DGLUCY: variants seen among roughly 807,000 people sequenced by gnomAD.
The protein encoded by DGLUCY is D-glutamate cyclase, mitochondrial.
A neutral mutation model predicts 58.5 loss-of-function variants in DGLUCY; 58 were observed. The observed-to-expected ratio is 0.99, with a 90% confidence interval of 0.80 to 1.23. The LOEUF (loss-of-function observed/expected upper bound fraction) is 1.23, where lower values mean the gene tolerates loss of function less well. Ranked by LOEUF, DGLUCY falls within the 50% of genes most tolerant of loss-of-function variation. The pLI is 0.00. For missense variants in DGLUCY, 779 were observed against 784.7 expected (o/e 0.99, Z 0.09); for synonymous variants, 325 against 314.1 (o/e 1.03, Z -0.37).
At position 91,182,960 on chromosome 14, in the gene DGLUCY, T is replaced by A. The variant is rs537632493; in HGVS notation, c.934+1571T>A. ...TTTATTTTATATTTTTATTTATTTT[T>A]ATTTTTTTATTTTAGTTTAGTTTAT... On this transcript the variant is annotated intron_variant, in intron 8 of 13. Coordinates refer to ENST00000256324, the MANE Select transcript of DGLUCY (RefSeq NM_001102368.3). Among the ~76,000 whole-genome samples, 45 of 150,004 alleles carry A rather than the reference T, an allele frequency of 3.0e-4. No individual in the cohort carries two copies. The South Asian group carries it at 9.3e-3, about 31-fold the overall frequency.
intron 1 of DGLUCY, among the ~76,000 whole-genome samples, chr14:91,090,533 G>A (rs922736944): frequency 6.6e-6 from 1 of 152,118 alleles, no homozygotes; most frequent in Non-Finnish European, 1.5e-5. Flanking sequence ...GCAGCGTTTG[G>A]TCATGAAGGT....
intron 8 of DGLUCY, among the ~76,000 whole-genome samples, chr14:91,181,935 A>G (rs1025895838): frequency 1.3e-5 from 2 of 150,970 alleles, no homozygotes; most frequent in African/African-American, 4.9e-5. Flanking sequence ...GTGAGCCACC[A>G]TGCCCAGCCT....
At chr14:91,065,644 ATGCACAACTCT>A (rs1224184494) in intron 1 of DGLUCY, among the ~76,000 whole-genome samples, 2 of 152,182 alleles carry the variant, frequency 1.3e-5, no homozygotes, top group African/African-American at 4.8e-5. Context: ...CAAGTTTGTA[ATGCACAACTCT>A]TGCACAACTA....
At chr14:91,206,871 C>T (rs1477067926) in intron 12 of DGLUCY, among the ~76,000 whole-genome samples, 2 of 151,966 alleles carry the variant, frequency 1.3e-5, no homozygotes, top group Non-Finnish European at 2.9e-5. Flanking sequence ...AAAGTCTTCA[C>T]TGCAAAAAAT....
At position 91,134,389 on chromosome 14, in the gene DGLUCY, A is replaced by G. The variant is rs548621597; in HGVS notation, c.-82+20106A>G. Among the ~76,000 whole-genome samples the G allele has an allele frequency of 2.6e-5, 4 of 152,184 alleles. No individual in the cohort carries two copies. The South Asian group carries it at 8.3e-4, about 32-fold the overall frequency. The stretch of plus-strand genomic sequence containing the variant: ...TATTTTGTTAGATTTATTCCTGGGT[A>G]ATTGATATTTATTCATGCTATTATA... On this transcript the variant is annotated intron_variant, in intron 1 of 13. Coordinates refer to ENST00000256324, the MANE Select transcript of DGLUCY (RefSeq NM_001102368.3).
chr14:91,166,906 C>G (rs2140378340), intron 3 of DGLUCY, among the ~76,000 whole-genome samples: 1 of 152,256 alleles, frequency 6.6e-6, no homozygotes, highest in East Asian at 1.9e-4. Context: ...TCAAGACCAG[C>G]CTGTCCAACA....
chr14:91,168,231 A>C (rs1157707090), intron 4 of DGLUCY, among the ~76,000 whole-genome samples: 1 of 151,892 alleles, frequency 6.6e-6, no homozygotes, highest in Admixed American at 6.6e-5. Context: ...ATGTCACTGC[A>C]CTCCAGCCTG....
At chr14:91,188,154 C>T (rs1226104059) in intron 8 of DGLUCY, among the ~76,000 whole-genome samples, 1 of 152,186 alleles carries the variant, frequency 6.6e-6, no homozygotes, top group Non-Finnish European at 1.5e-5. Flanking sequence ...AGGGGATCTG[C>T]TCCACTCAGT....
At chr14:91,183,505 C>G (rs1460240854) in intron 8 of DGLUCY, among the ~76,000 whole-genome samples, 1 of 152,144 alleles carries the variant, frequency 6.6e-6, no homozygotes, top group Non-Finnish European at 1.5e-5. Flanking sequence ...TCTTCATCAG[C>G]GTAACAGGAG....
chr14:91,129,957 GT>G (rs1433368046), intron 1 of DGLUCY, among the ~76,000 whole-genome samples: 1 of 152,106 alleles, frequency 6.6e-6, no homozygotes. Context: ...TCAACATGAT[GT>G]TTTTGAGCTT....
intron 13 of DGLUCY, among the ~76,000 whole-genome samples, chr14:91,222,282 C>T (rs960824891): frequency 6.6e-6 from 1 of 152,142 alleles, no homozygotes; most frequent in Non-Finnish European, 1.5e-5. Flanking sequence ...CCAGTCAGCT[C>T]GAAACCTGTT....
chr14:91,102,736 A>AGAGTGTGT (rs1555391094), intron 1 of DGLUCY, among the ~76,000 whole-genome samples: 1 of 60,736 alleles, frequency 1.6e-5, no homozygotes, highest in African/African-American at 5.0e-5. Flanking sequence ...GACCCCTTCC[A>AGAGTGTGT]GTGTGTATGT....
rs1172311223 is a variant in DGLUCY, at chr14:91,170,000, C to T, written c.258-3C>T. 1 of 1,612,092 alleles carries T rather than the reference C, an allele frequency of 6.2e-7. No individual in the cohort carries two copies. Among genetic ancestry groups the T allele is most frequent in the African/African-American group, 1.3e-5 (1 of 74,996 alleles). On this transcript the variant is annotated splice_polypyrimidine_tract_variant and splice_region_variant and intron_variant, in intron 4 of 13. Transcript: ENST00000256324. ...CCTCCCAGCTTTCCCCTTATGTCCC[C>T]AGGATGGGCCATCCCCAGTTCTGGA... is the stretch of plus-strand genomic sequence containing the variant.
chr14:91,084,747 T>G (rs2044183740), intron 1 of DGLUCY, among the ~76,000 whole-genome samples: 1 of 152,174 alleles, frequency 6.6e-6, no homozygotes, highest in South Asian at 2.1e-4. Flanking sequence ...GAGGCACCCC[T>G]GGGGAGATAC....
intron 1 of DGLUCY, among the ~76,000 whole-genome samples, chr14:91,097,849 C>G (rs1213698384): frequency 6.6e-6 from 1 of 152,100 alleles, no homozygotes; most frequent in Non-Finnish European, 1.5e-5. Context: ...AATTTTGCCT[C>G]CTCCTCCAAA....
chr14:91,146,713 A>G (rs1241283199), intron 1 of DGLUCY, among the ~76,000 whole-genome samples: 1 of 152,166 alleles, frequency 6.6e-6, no homozygotes, highest in Non-Finnish European at 1.5e-5. Context: ...GGAAACTCAG[A>G]ATGGAAGGGG....
At chr14:91,066,865 G>A (rs2043830387) in intron 1 of DGLUCY, among the ~76,000 whole-genome samples, 1 of 151,654 alleles carries the variant, frequency 6.6e-6, no homozygotes, top group African/African-American at 2.4e-5. Context: ...TGGATCACGA[G>A]GTCAGGAGAT....
intron 10 of DGLUCY, among the ~76,000 whole-genome samples, chr14:91,199,095 A>G (rs1406349252): frequency 2.6e-5 from 4 of 152,158 alleles, no homozygotes; most frequent in African/African-American, 9.7e-5. Flanking sequence ...CAGCAGGCCA[A>G]TAGCAGCCAA....
intron 1 of DGLUCY, among the ~76,000 whole-genome samples, chr14:91,079,583 C>T (rs909959508): frequency 1.3e-5 from 2 of 152,034 alleles, no homozygotes; most frequent in African/African-American, 4.8e-5. Context: ...CAAACATAAA[C>T]ATGATTTCTA....
Sources: gnomAD v4.1 joint callset for allele counts (sites outside exome capture counted in the v4.1 genomes callset) on GRCh38, gnomAD v4.1.1 for gene constraint, MANE v1.5 for transcripts, NCBI Gene and HGNC (gene_info 2026-07-23, HGNC 2026-07-21) for gene names.